Variants in TRMT11 observed in about 807,000 individuals in gnomAD.
TRMT11 encodes tRNA (guanine(10)-N(2))-methyltransferase TRMT11.
A neutral mutation model predicts 62.8 loss-of-function variants in TRMT11; 53 were observed. That is an observed-to-expected ratio of 0.84 (90% CI 0.68 to 1.06). The LOEUF (loss-of-function observed/expected upper bound fraction) is 1.06. Ranked by LOEUF, TRMT11 falls within the 50% of genes least tolerant of loss-of-function variation. The pLI is 0.00. For synonymous variants in TRMT11, 188 were observed against 190.3 expected (o/e 0.99, Z 0.10); for missense variants, 556 against 553.4 (o/e 1.00, Z -0.05).
At chr6:126,228,775 G>A in the TRMT11 span, among the ~76,000 whole-genome samples, 3 of 152,266 alleles carry the variant, frequency 2.0e-5, no homozygotes, top group Middle Eastern at 3.4e-3. Context: ...AATAAACCAA[G>A]CAAACTCTCA....
intron 17 of TRMT11, among the ~76,000 whole-genome samples, chr6:126,057,971 C>T (rs1233508329): frequency 6.3e-5 from 9 of 143,510 alleles, no homozygotes; most frequent in African/African-American, 1.8e-4. Context: ...TTTTTTTTTT[C>T]AATTATATAA....
At chr6:126,254,612 T>C in the TRMT11 span, among the ~76,000 whole-genome samples, 3 of 152,254 alleles carry the variant, frequency 2.0e-5, no homozygotes, top group African/African-American at 7.2e-5. Flanking sequence ...ATCACTTCTT[T>C]CTTTTCTCAT....
At chr6:126,068,059 T>C (rs1776741159) in intron 17 of TRMT11, among the ~76,000 whole-genome samples, 4 of 152,186 alleles carry the variant, frequency 2.6e-5, no homozygotes, top group African/African-American at 9.7e-5. Flanking sequence ...TGACTCCTAA[T>C]GATGAGAACC....
chr6:126,254,875 T>TA, the TRMT11 span, among the ~76,000 whole-genome samples: 44 of 151,120 alleles, frequency 2.9e-4, no homozygotes, highest in East Asian at 9.7e-4. Context: ...TCAAAAAACA[T>TA]AAAAAAAAAC....
chr6:126,160,747 CT>C (rs1778180454), intron 21 of TRMT11, among the ~76,000 whole-genome samples: 1 of 152,150 alleles, frequency 6.6e-6, no homozygotes, highest in South Asian at 2.1e-4. Context: ...AGCAGACACT[CT>C]GACCTCATAT....
chr6:126,258,107 C>T, the TRMT11 span: 4 of 960,156 alleles, frequency 4.2e-6, no homozygotes, highest in East Asian at 1.0e-4. Context: ...TCTCCTTTTC[C>T]TGGCAGTCGG....
chr6:126,177,661 T>A (rs1417812148), intron 1 of TRMT11, among the ~76,000 whole-genome samples: 2 of 152,234 alleles, frequency 1.3e-5, no homozygotes, highest in South Asian at 2.1e-4. Context: ...ATTTTTGGTT[T>A]AACCTCTATT....
At chr6:126,146,430 A>G (rs984912645) in intron 21 of TRMT11, among the ~76,000 whole-genome samples, 3 of 152,006 alleles carry the variant, frequency 2.0e-5, no homozygotes, top group African/African-American at 7.2e-5. Flanking sequence ...TATCGAACTG[A>G]TATTCTAACT....
At chr6:126,220,281 T>G in the TRMT11 span, among the ~76,000 whole-genome samples, 2 of 152,226 alleles carry the variant, frequency 1.3e-5, no homozygotes, top group Non-Finnish European at 1.5e-5. Context: ...AAAAAATTGG[T>G]CTACTGCATT....
intron 2 of TRMT11, among the ~76,000 whole-genome samples, chr6:125,994,654 A>G (rs1791182626): frequency 6.6e-6 from 1 of 152,242 alleles, no homozygotes; most frequent in Non-Finnish European, 1.5e-5. Context: ...AGATACATGC[A>G]TGCATATGTT....
chr6:125,999,421 A>G (rs777297068), intron 6 of TRMT11, 36 bp from the exon 7 acceptor site: 7 of 1,530,520 alleles, frequency 4.6e-6, no homozygotes, highest in South Asian at 2.5e-5. Flanking sequence ...TCTATTCTGT[A>G]TGGCTATACT....
At chr6:126,238,411 T>A in the TRMT11 span, among the ~76,000 whole-genome samples, 1 of 152,234 alleles carries the variant, frequency 6.6e-6, no homozygotes, top group Non-Finnish European at 1.5e-5. Flanking sequence ...GTATGTTGTA[T>A]CTTTGTTCTC....
chr6:126,236,110 C>G, the TRMT11 span, among the ~76,000 whole-genome samples: 1 of 152,204 alleles, frequency 6.6e-6, no homozygotes, highest in African/African-American at 2.4e-5. Context: ...TAAGCTTTCT[C>G]TTATGTGGAA....
At chr6:125,997,598 C>G (rs1791739187) in intron 3 of TRMT11, among the ~76,000 whole-genome samples, 1 of 152,310 alleles carries the variant, frequency 6.6e-6, no homozygotes, top group Non-Finnish European at 1.5e-5. Context: ...GTCTCAAGTT[C>G]CAGGGCTCAG....
chr6:126,185,960 G>T (rs750445581), intron 1 of TRMT11, among the ~76,000 whole-genome samples: 2 of 152,110 alleles, frequency 1.3e-5, no homozygotes, highest in African/African-American at 4.8e-5. Context: ...TTCCTGCCAG[G>T]TCCCTTCCAT....
intron 17 of TRMT11, among the ~76,000 whole-genome samples, chr6:126,063,296 A>T (rs1295706978): frequency 1.3e-5 from 2 of 152,232 alleles, no homozygotes; most frequent in Non-Finnish European, 2.9e-5. Context: ...TGCATCAATT[A>T]ATATGAGAAG....
intron 17 of TRMT11, among the ~76,000 whole-genome samples, chr6:126,056,678 A>G (rs1005830209): frequency 1.3e-5 from 2 of 152,272 alleles, no homozygotes; most frequent in South Asian, 4.1e-4. Context: ...CTGTAAGGCT[A>G]TTACTTCAGG....
intron 17 of TRMT11, among the ~76,000 whole-genome samples, chr6:126,059,490 G>A (rs1776469318): frequency 6.6e-6 from 1 of 152,152 alleles, no homozygotes; most frequent in African/African-American, 2.4e-5. Context: ...GGAAGGCAGA[G>A]GCTGGGAGTG....
At chr6:126,177,908 C>CT (rs1778406802) in intron 1 of TRMT11, among the ~76,000 whole-genome samples, 1 of 152,116 alleles carries the variant, frequency 6.6e-6, no homozygotes, top group Non-Finnish European at 1.5e-5. Context: ...TATCCATCCC[C>CT]TTTCCCTTAA....
Sources: allele counts gnomAD v4.1 joint callset (sites outside exome capture counted in the v4.1 genomes callset), GRCh38; gene constraint gnomAD v4.1.1; transcripts MANE v1.5; gene names NCBI Gene and HGNC (gene_info 2026-07-23, HGNC 2026-07-21).